The following ATP8B4 variants were observed in gnomAD, a reference collection of about 807,000 sequenced individuals.
The protein encoded by ATP8B4 is probable phospholipid-transporting ATPase IM.
ATP8B4 carries 133 observed loss-of-function variants against 145.6 expected under a neutral mutation model. The observed-to-expected ratio is 0.91, with a 90% CI of 0.79 to 1.05. ATP8B4 has a LOEUF of 1.05. Among genes scored for constraint, ATP8B4 ranks in the 50% least tolerant of loss-of-function variants. The pLI is 0.00. For missense variants in ATP8B4, 1,458 were observed against 1,425.2 expected, an observed-to-expected ratio of 1.02 and a Z score of -0.37; for synonymous variants, 507 against 492.9, an observed-to-expected ratio of 1.03 and a Z score of -0.38.
chr15:50,172,559 C>G (rs954850882), intron 1 of ATP8B4, among the ~76,000 whole-genome samples: 7 of 152,174 alleles, frequency 4.6e-5, no homozygotes, highest in African/African-American at 7.2e-5. Context: ...TCTGCCCGGC[C>G]GCCACCCCAT....
At chr15:49,876,237 G>A (rs1184040299) in intron 25 of ATP8B4, 41 bp downstream of exon 25, 3 of 1,598,014 alleles carry the variant, frequency 1.9e-6, no homozygotes, top group Non-Finnish European at 2.6e-6. Context: ...AGTAAAAGTT[G>A]TAAACCCATC....
At chr15:50,002,983 A>C (rs970442526) in intron 7 of ATP8B4, among the ~76,000 whole-genome samples, 1 of 152,162 alleles carries the variant, frequency 6.6e-6, no homozygotes, top group Non-Finnish European at 1.5e-5. Context: ...TTTTATTTCA[A>C]AGCTCTAAAC....
chr15:50,160,364 T>A (rs191930999), intron 1 of ATP8B4, among the ~76,000 whole-genome samples: 60 of 152,146 alleles, frequency 3.9e-4, no homozygotes, highest in African/African-American at 1.2e-3. Flanking sequence ...GTAATTTTTT[T>A]AATTTCAATT....
chr15:50,147,249 C>T (rs1220776739), intron 1 of ATP8B4, among the ~76,000 whole-genome samples: 1 of 151,934 alleles, frequency 6.6e-6, no homozygotes, highest in African/African-American at 2.4e-5. Flanking sequence ...AACCCTGCCT[C>T]TACTACAATT....
At chr15:50,058,408 G>A (rs1164049735) in intron 3 of ATP8B4, among the ~76,000 whole-genome samples, 1 of 152,202 alleles carries the variant, frequency 6.6e-6, no homozygotes, top group South Asian at 2.1e-4. Context: ...ACACTGCTGT[G>A]TAGTCTGGGA....
chr15:49,869,253 A>G (rs1225150441), intron 25 of ATP8B4, among the ~76,000 whole-genome samples: 1 of 146,344 alleles, frequency 6.8e-6, no homozygotes, highest in Non-Finnish European at 1.6e-5. Flanking sequence ...GCATACAAGT[A>G]TGAAAAAGTT....
chr15:49,860,242 G>T lies in ATP8B4; in HGVS notation c.3531C>A (p.Thr1177=). Residue 1177 remains threonine (T), a synonymous_variant, in exon 28 of 28, where the codon ACC becomes ACA. Coordinates refer to ENST00000284509, the MANE Select transcript of ATP8B4 (RefSeq NM_024837.4). ...GGCTAAAGCTGCTCACGGTGTCTGT[G>T]GTTTTCTTACATAAATTTTCAATCC... ...TSWIENLCKK[T]TDTVSSFSQD... 1 of 1,614,088 alleles carries T rather than the reference G, an allele frequency of 6.2e-7. No individual in the cohort carries two copies. Among genetic ancestry groups the T allele is most frequent in the Non-Finnish European group, 8.5e-7 (1 of 1,179,966 alleles).
At chr15:50,055,889 A>G (rs780715591) in intron 3 of ATP8B4, among the ~76,000 whole-genome samples, 2 of 152,174 alleles carry the variant, frequency 1.3e-5, no homozygotes, top group Non-Finnish European at 2.9e-5. Context: ...GGACCTGGAG[A>G]TTAGACATCT....
intron 2 of ATP8B4, among the ~76,000 whole-genome samples, chr15:50,077,615 TA>T (rs1456177587): frequency 2.0e-5 from 3 of 152,188 alleles, no homozygotes; most frequent in Non-Finnish European, 4.4e-5. Flanking sequence ...CTTGTCAAAA[TA>T]ATTGATAGGT....
chr15:50,009,471 A>C (rs2048561384), intron 7 of ATP8B4: 1 of 288,538 alleles, frequency 3.5e-6, no homozygotes, highest in Admixed American at 5.1e-5. Flanking sequence ...GAGATCCTGT[A>C]GTGGTCTAGC....
Position 49,859,907 on chromosome 15 carries a change from TCA to T in ATP8B4, c.*285_*286del, listed in dbSNP as rs1235096108. On this transcript the variant is annotated 3_prime_UTR_variant, in exon 28 of 28. Coordinates refer to ENST00000284509, the MANE Select transcript of ATP8B4 (RefSeq NM_024837.4). ...TTCTCCATAAATAAGATTCTAAAGT[TCA>T]GGTCAATTGGTATCTAGGTTGATTT... 1.0e-4 allele frequency: 35 copies of T among 349,404 alleles called. No individual in the cohort carries two copies. The highest frequency in any genetic ancestry group is 1.7e-4 in the Non-Finnish European group (33 of 195,372). The allele number at this position is 349,404 out of a possible 1,614,324, so 21.6% of individuals were successfully genotyped here. A position where few individuals can be genotyped will look rare whatever the true frequency, so the allele number is the denominator to read the frequency against.
chr15:49,900,232 T>A (rs2037870611), intron 21 of ATP8B4, among the ~76,000 whole-genome samples: 1 of 152,160 alleles, frequency 6.6e-6, no homozygotes, highest in Non-Finnish European at 1.5e-5. Context: ...ATGTCTGGAA[T>A]CCAGCTGGAT....
At chr15:49,950,289 T>C (rs557174587) in intron 14 of ATP8B4, among the ~76,000 whole-genome samples, 9 of 152,286 alleles carry the variant, frequency 5.9e-5, no homozygotes, top group African/African-American at 2.2e-4. Flanking sequence ...TGTCTGGTCC[T>C]GGGCTTTTTT....
chr15:49,923,509 GTT>G lies in ATP8B4; in HGVS notation c.1643-17_1643-16del. 6.5e-7 allele frequency: 1 copy of G among 1,539,710 alleles called. No individual in the cohort carries two copies. Among genetic ancestry groups the G allele is most frequent in the South Asian group, 1.2e-5 (1 of 86,270 alleles). On this transcript the variant is annotated splice_polypyrimidine_tract_variant and intron_variant, in intron 16 of 27. Transcript: ENST00000284509. ...TGGGTTTCGAACTGAAAAGAAAAAA[GTT>G]TGGAAAAGCAGAATATAATCAACGT...
intron 11 of ATP8B4, among the ~76,000 whole-genome samples, chr15:49,980,075 G>A (rs370217921): frequency 6.6e-6 from 1 of 152,136 alleles, no homozygotes; most frequent in Admixed American, 6.6e-5. Flanking sequence ...AAAGTAAAAT[G>A]GAAGCACAAG....
At chr15:49,899,445 C>T (rs2037782120) in intron 21 of ATP8B4, among the ~76,000 whole-genome samples, 1 of 152,076 alleles carries the variant, frequency 6.6e-6, no homozygotes, top group Non-Finnish European at 1.5e-5. Context: ...CCGGGGCACG[C>T]TTAATAAAAA....
intron 25 of ATP8B4, 82 bp from the exon 26 acceptor site, chr15:49,866,566 T>G (rs1598783920): frequency 6.5e-7 from 1 of 1,527,846 alleles, no homozygotes; most frequent in South Asian, 1.2e-5. Flanking sequence ...TCGCGAGAAC[T>G]GCCCTGTGGC....
At chr15:49,897,266 AC>A in intron 23 of ATP8B4, 25 bp downstream of exon 23, 2 of 1,553,544 alleles carry the variant, frequency 1.3e-6, no homozygotes, top group South Asian at 1.2e-5. Context: ...AAACAAACAA[AC>A]AAAAAAAAAC....
chr15:49,936,721 T>A (rs2041762660), intron 14 of ATP8B4, among the ~76,000 whole-genome samples: 1 of 137,800 alleles, frequency 7.3e-6, no homozygotes, highest in African/African-American at 2.7e-5. Context: ...CTCCTCTTCA[T>A]TATTTTTTGG....
Sources: allele counts gnomAD v4.1 joint callset (sites outside exome capture counted in the v4.1 genomes callset), GRCh38; gene constraint gnomAD v4.1.1; transcripts MANE v1.5; gene names NCBI Gene and HGNC (gene_info 2026-07-23, HGNC 2026-07-21).